The following TDP2 variants were observed in gnomAD, a reference collection of about 807,000 sequenced individuals.
TDP2 encodes 5'-Tyr-DNA phosphodiesterase.
A neutral mutation model predicts 42.8 loss-of-function variants in TDP2; 38 were observed. That is an observed-to-expected ratio of 0.89 (90% CI 0.68 to 1.16). The LOEUF (loss-of-function observed/expected upper bound fraction) is 1.16. TDP2 is among the 50% of genes most tolerant of loss of function. TDP2 has a pLI of 0.00. For synonymous variants in TDP2, 173 were observed against 150.6 expected (o/e 1.15, Z -1.09); for missense variants, 439 against 439.3 (o/e 1.00, Z 0.01).
At chr6:24,661,825 G>GAAAA (rs1778154121) in intron 2 of TDP2, among the ~76,000 whole-genome samples, 1 of 10,386 alleles carries the variant, frequency 9.6e-5, no homozygotes, top group Admixed American at 1.3e-3. Context: ...TACTGTGGGG[G>GAAAA]AAAGAGAGAT....
In TDP2 at chr6:24,662,731, TCA is replaced by T. The variant is rs1324136370; in HGVS notation, c.251+3793_251+3794del. On this transcript the variant is annotated intron_variant, in intron 2 of 6. Transcript: ENST00000378198. The stretch of plus-strand genomic sequence containing the variant: ...TTGTCTCTCCGTCTTATTTATTTTC[TCA>T]GTCTCTCGTCCCACCTGAAGAGAAA... 2.0e-5 allele frequency among the ~76,000 whole-genome samples: 3 copies of T among 152,226 alleles called. No homozygotes were observed. In the East Asian group the frequency reaches 5.8e-4, roughly 29 times the overall value.
chr6:24,657,805 T>C lies in TDP2; in HGVS notation c.517+7A>G, dbSNP rs745612304. 4.0e-6 allele frequency: 6 copies of C among 1,483,660 alleles called. No individual in the cohort carries two copies. In the Admixed American group the frequency reaches 6.6e-5, roughly 16 times the overall value. 91.9% of individuals were successfully genotyped at this position (1,483,660 alleles called of 1,614,324 possible). A position where few individuals can be genotyped will look rare whatever the true frequency, so the allele number is the denominator to read the frequency against. On this transcript the variant is annotated splice_region_variant and intron_variant, in intron 4 of 6. Transcript: ENST00000378198. ...GAAAAGACAAGTTGAATAACAAAAA[T>C]TGTTACCTGTAATAATCTCATAATT... is the stretch of plus-strand genomic sequence containing the variant.
intron 2 of TDP2, among the ~76,000 whole-genome samples, chr6:24,660,236 C>G (rs760242481): frequency 6.6e-6 from 1 of 152,240 alleles, no homozygotes; most frequent in Non-Finnish European, 1.5e-5. Flanking sequence ...TTCCTAAACA[C>G]GAAGACATGC....
chr6:24,659,127 G>C (rs929233323), intron 2 of TDP2: 1 of 159,614 alleles, frequency 6.3e-6, no homozygotes, highest in Non-Finnish European at 1.4e-5. Flanking sequence ...GACAGGAACC[G>C]AATCAGCATG....
intron 4 of TDP2, among the ~76,000 whole-genome samples, chr6:24,655,797 ACT>A (rs1228813602): frequency 1.3e-5 from 2 of 152,010 alleles, no homozygotes; most frequent in African/African-American, 4.8e-5. Context: ...AAGCTAAATA[ACT>A]CTTTTTTGGA....
intron 1 of TDP2, 41 bp downstream of exon 1, chr6:24,666,657 C>A (rs1778249000): frequency 6.2e-7 from 1 of 1,614,052 alleles, no homozygotes; most frequent in South Asian, 1.1e-5. Flanking sequence ...GCTCCACCGA[C>A]CTAGGTAATG....
intron 4 of TDP2, among the ~76,000 whole-genome samples, chr6:24,654,930 C>A (rs578031643): frequency 2.0e-5 from 3 of 152,130 alleles, no homozygotes; most frequent in South Asian, 4.1e-4. Flanking sequence ...CCCAGCTACT[C>A]GGGAGGCTGA....
At position 24,657,843 on chromosome 6, in the gene TDP2, C is replaced by A; in HGVS notation, c.486G>T (p.Lys162Asn). 1 of 1,583,266 alleles carries A rather than the reference C, an allele frequency of 6.3e-7. No individual in the cohort carries two copies. Among genetic ancestry groups the A allele is most frequent in the Non-Finnish European group, 8.6e-7 (1 of 1,164,322 alleles). ...TAATCTCATAATTACTTGATCTCTT[C>A]TTTAGGTAGCTATAATATGGGGGAA... ...EVIPPYYSYLKKRSSNYEIIT... is the reference protein window; with the variant it reads ...EVIPPYYSYLNKRSSNYEIIT... Residue 162 changes from lysine to asparagine, a missense_variant, in exon 4 of 7, where the codon AAG (lysine) becomes AAT (asparagine). Physicochemically the swap from Lys to Asn is moderately conservative, Grantham distance 94. Coordinates refer to ENST00000378198, the MANE Select transcript of TDP2 (RefSeq NM_016614.3).
chr6:24,658,051 T>A, intron 3 of TDP2, 148 bp from the exon 4 acceptor site: 1 of 529,174 alleles, frequency 1.9e-6, no homozygotes, highest in Non-Finnish European at 3.4e-6. Flanking sequence ...TTGATAACTA[T>A]AAAATGAGAA....
At chr6:24,666,118 C>T (rs1778229610) in intron 2 of TDP2, 1 of 1,548,048 alleles carries the variant, frequency 6.5e-7, no homozygotes, top group Non-Finnish European at 8.7e-7. Context: ...CAACAACAAA[C>T]CTGTTATTCT....
At chr6:24,652,652 T>C (rs1777992950) in intron 6 of TDP2, among the ~76,000 whole-genome samples, 1 of 149,130 alleles carries the variant, frequency 6.7e-6, no homozygotes, top group East Asian at 2.1e-4. Context: ...ATATTGCACC[T>C]AGGAATACTG....
chr6:24,658,282 G>C (rs1778088171), intron 3 of TDP2, among the ~76,000 whole-genome samples: 1 of 152,148 alleles, frequency 6.6e-6, no homozygotes, highest in Non-Finnish European at 1.5e-5. Context: ...AGCCAGCATG[G>C]GGCACAAATA....
intron 2 of TDP2, among the ~76,000 whole-genome samples, chr6:24,663,768 C>G (rs1264343238): frequency 1.3e-5 from 2 of 152,166 alleles, no homozygotes; most frequent in African/African-American, 4.8e-5. Context: ...GGCCATGCTT[C>G]CAGTAGAGCC....
At chr6:24,658,943 T>C (rs1778099612) in intron 2 of TDP2, 1 of 564,892 alleles carries the variant, frequency 1.8e-6, no homozygotes, top group Non-Finnish European at 3.1e-6. Flanking sequence ...CCCACTTCTT[T>C]GTACGGAAAG....
At chr6:24,655,480 A>C (rs1778047885) in intron 4 of TDP2, among the ~76,000 whole-genome samples, 1 of 152,232 alleles carries the variant, frequency 6.6e-6, no homozygotes, top group South Asian at 2.1e-4. Flanking sequence ...GTGCTGAGCT[A>C]AGAAGAGGAG....
intron 6 of TDP2, 104 bp downstream of exon 6, chr6:24,652,879 G>GAGTGACTAA: frequency 8.0e-7 from 1 of 1,253,678 alleles, no homozygotes; most frequent in Non-Finnish European, 1.2e-6. Flanking sequence ...AAGACATTTT[G>GAGTGACTAA]AGTGACTAAA....
chr6:24,666,312 G>A, intron 2 of TDP2: 2 of 1,523,956 alleles, frequency 1.3e-6, no homozygotes, highest in Non-Finnish European at 1.8e-6. Context: ...CCCAAATCAC[G>A]TTCGAAGCGA....
chr6:24,651,838 C>T (rs1012697490), intron 6 of TDP2, among the ~76,000 whole-genome samples: 2 of 152,198 alleles, frequency 1.3e-5, no homozygotes, highest in South Asian at 2.1e-4. Context: ...CTGCCCACCT[C>T]GGCCTCCCAA....
intron 2 of TDP2, chr6:24,666,060 G>A: frequency 6.6e-7 from 1 of 1,518,870 alleles, no homozygotes. Flanking sequence ...GAACTGGAGA[G>A]GGGCACTGAA....
Sources: gnomAD v4.1 joint callset for allele counts (sites outside exome capture counted in the v4.1 genomes callset) on GRCh38, gnomAD v4.1.1 for gene constraint, MANE v1.5 for transcripts, NCBI Gene and HGNC (gene_info 2026-07-23, HGNC 2026-07-21) for gene names.